Variants in SHQ1 observed in about 807,000 individuals in gnomAD.
SHQ1 encodes the protein protein SHQ1 homolog.
SHQ1 carries 49 observed loss-of-function variants against 53.8 expected under a neutral mutation model. That is an observed-to-expected ratio of 0.91 (90% confidence interval 0.72 to 1.16). The LOEUF (loss-of-function observed/expected upper bound fraction) is 1.16, where lower values mean the gene tolerates loss of function less well. SHQ1 is among the 50% of genes most tolerant of loss of function. SHQ1 has a pLI of 0.00. For missense variants in SHQ1, 738 were observed against 683.1 expected (o/e 1.08, Z -0.90); for synonymous variants, 243 against 251.0 (o/e 0.97, Z 0.30).
chr3:72,755,654 G>T (rs1453343302), intron 10 of SHQ1, among the ~76,000 whole-genome samples: 1 of 152,088 alleles, frequency 6.6e-6, no homozygotes, highest in East Asian at 1.9e-4. Context: ...AAAAAATTAA[G>T]CCATGAAAGA....
intron 7 of SHQ1, 40 bp downstream of exon 7, chr3:72,817,188 GCA>G (rs747777051): frequency 6.3e-7 from 1 of 1,586,276 alleles, no homozygotes; most frequent in Non-Finnish European, 8.6e-7. Flanking sequence ...AGTTTACTCA[GCA>G]CAGTCATCTA....
chr3:72,757,268 A>C (rs914002604), intron 10 of SHQ1, among the ~76,000 whole-genome samples: 16 of 152,320 alleles, frequency 1.1e-4, no homozygotes, highest in Admixed American at 7.8e-4. Flanking sequence ...AATTCCAGAC[A>C]GTTCAAACTG....
At chr3:72,801,765 G>A (rs1197761661) in intron 9 of SHQ1, among the ~76,000 whole-genome samples, 1 of 152,126 alleles carries the variant, frequency 6.6e-6, no homozygotes, top group Admixed American at 6.5e-5. Context: ...AAGCTGATTA[G>A]ATATTTATCT....
chr3:72,820,229 C>A (rs115936561), intron 6 of SHQ1, among the ~76,000 whole-genome samples: 1 of 152,154 alleles, frequency 6.6e-6, no homozygotes, highest in Non-Finnish European at 1.5e-5. Context: ...TAGGTTCTGA[C>A]GTTACATTAT....
At chr3:72,734,513 C>T in the SHQ1 span, among the ~76,000 whole-genome samples, 2 of 151,566 alleles carry the variant, frequency 1.3e-5, no homozygotes, top group South Asian at 4.2e-4. Context: ...ACCTCAGCCT[C>T]CCAAAGTGCT....
chr3:72,750,672 C>T lies in SHQ1; in HGVS notation c.1346G>A (p.Cys449Tyr). ...CGAATCACTTGCCTCAGAGCTGGAG[C>T]AAAGTGTCTGCTGCCCAGAAACTGA... ...AHSVSGQQTL[C>Y]SSSEASDSED... Residue 449 changes from cysteine to tyrosine, a missense_variant, in exon 11 of 11, where the codon TGC becomes TAC. Coordinates refer to ENST00000325599, the MANE Select transcript of SHQ1 (RefSeq NM_018130.3). The T allele has an allele frequency of 6.2e-7, 1 of 1,610,604 alleles. No homozygotes were observed. Among genetic ancestry groups the T allele is most frequent in the Non-Finnish European group, 8.5e-7 (1 of 1,178,068 alleles).
chr3:72,817,832 T>C (rs1014510580), intron 6 of SHQ1, among the ~76,000 whole-genome samples: 3 of 152,202 alleles, frequency 2.0e-5, no homozygotes, highest in Non-Finnish European at 4.4e-5. Context: ...AATTTAAATT[T>C]AATTTAATTA....
At chr3:72,773,181 A>T in intron 10 of SHQ1, 1 of 734,712 alleles carries the variant, frequency 1.4e-6, no homozygotes. Flanking sequence ...AAACCAGTCC[A>T]GAGTTTTCAG....
intron 5 of SHQ1, among the ~76,000 whole-genome samples, chr3:72,831,472 C>T (rs542805898): frequency 1.3e-4 from 20 of 152,360 alleles, no homozygotes; most frequent in African/African-American, 4.8e-4. Flanking sequence ...CTCCTCTCCT[C>T]ATCTGTTGTG....
chr3:72,763,991 G>A (rs1262963645), intron 10 of SHQ1, among the ~76,000 whole-genome samples: 2 of 151,322 alleles, frequency 1.3e-5, no homozygotes, highest in Non-Finnish European at 2.9e-5. Context: ...TGCATAGTAT[G>A]TTCCTGAGTT....
chr3:72,768,518 A>G (rs1705781909), intron 10 of SHQ1, among the ~76,000 whole-genome samples: 1 of 152,256 alleles, frequency 6.6e-6, no homozygotes, highest in South Asian at 2.1e-4. Flanking sequence ...CACAGAGCGC[A>G]GAGCTGTGGC....
chr3:72,848,282 C>T lies in SHQ1; in HGVS notation c.59G>A (p.Arg20His), dbSNP rs1708418040. 1 of 1,614,060 alleles carries T rather than the reference C, an allele frequency of 6.2e-7. No homozygotes were observed. Among genetic ancestry groups the T allele is most frequent in the East Asian group, 2.2e-5 (1 of 44,868 alleles). ...CTCGGAGACCCGGGCGTAGGGCACGCGGATGGCGATAGTCAGGAAGTCCGG... is the reference window on the plus strand; with the variant it reads ...CTCGGAGACCCGGGCGTAGGGCACGTGGATGGCGATAGTCAGGAAGTCCGG... ...QDPDFLTIAI[R>H]VPYARVSEFD... is the part of the protein sequence containing the mutation. Residue 20 changes from arginine (R) to histidine (H), a missense_variant, in exon 1 of 11, where the codon CGC becomes CAC. Coordinates refer to ENST00000325599, the MANE Select transcript of SHQ1 (RefSeq NM_018130.3).
chr3:72,747,454 G>A (rs1705276072), downstream of SHQ1, among the ~76,000 whole-genome samples: 1 of 152,202 alleles, frequency 6.6e-6, no homozygotes, highest in Non-Finnish European at 1.5e-5. Flanking sequence ...GAAAGACAGT[G>A]ATCCTGAGAG....
chr3:72,796,593 G>T (rs1015339667), intron 9 of SHQ1, among the ~76,000 whole-genome samples: 1 of 152,142 alleles, frequency 6.6e-6, no homozygotes, highest in Non-Finnish European at 1.5e-5. Flanking sequence ...AGCCGAGGTG[G>T]GCAGATCACC....
chr3:72,834,132 T>TTC, intron 4 of SHQ1, among the ~76,000 whole-genome samples: 1 of 152,342 alleles, frequency 6.6e-6, no homozygotes, highest in East Asian at 1.9e-4. Context: ...AATTTTAAAA[T>TTC]TCTCTCATCC....
chr3:72,729,043 T>A, the SHQ1 span, among the ~76,000 whole-genome samples: 3 of 152,196 alleles, frequency 2.0e-5, no homozygotes, highest in African/African-American at 7.2e-5. Flanking sequence ...CTCCCTCCAC[T>A]CCAGGTTGGG....
At chr3:72,739,373 G>T in the SHQ1 span, among the ~76,000 whole-genome samples, 1 of 152,012 alleles carries the variant, frequency 6.6e-6, no homozygotes, top group Non-Finnish European at 1.5e-5. Context: ...CACACGCTGC[G>T]ATGCACCCTC....
At chr3:72,796,101 C>CAAAAAAAAA (rs555086403) in intron 9 of SHQ1, among the ~76,000 whole-genome samples, 2 of 40,528 alleles carry the variant, frequency 4.9e-5, no homozygotes, top group Admixed American at 2.6e-4. Flanking sequence ...GACTCCATCT[C>CAAAAAAAAA]AAAAAAAAAA....
chr3:72,748,860 T>G (rs1416141663), downstream of SHQ1, among the ~76,000 whole-genome samples: 1 of 150,928 alleles, frequency 6.6e-6, no homozygotes, highest in Non-Finnish European at 1.5e-5. Flanking sequence ...CAGGAGGAGG[T>G]GCGAGGATTG....
Sources: gnomAD v4.1 joint callset for allele counts (sites outside exome capture counted in the v4.1 genomes callset) on GRCh38, gnomAD v4.1.1 for gene constraint, MANE v1.5 for transcripts, NCBI Gene and HGNC (gene_info 2026-07-23, HGNC 2026-07-21) for gene names.